FERMT2: variants seen among roughly 807,000 people sequenced by gnomAD.
FERMT2 encodes the protein fermitin family homolog 2.
A neutral mutation model predicts 82.7 loss-of-function variants in FERMT2; 15 were observed. The ratio of observed to expected loss-of-function variants is 0.18; its 90% CI spans 0.12 to 0.28. The LOEUF (loss-of-function observed/expected upper bound fraction) is 0.28. FERMT2 is among the 10% of genes least tolerant of loss of function. FERMT2 has a pLI of 1.00. For missense variants in FERMT2, 645 were observed against 809.4 expected, an observed-to-expected ratio of 0.80 and a Z score of 2.46; for synonymous variants, 274 against 271.5, an observed-to-expected ratio of 1.01 and a Z score of -0.09.
intron 3 of FERMT2, among the ~76,000 whole-genome samples, chr14:52,902,925 A>AC (rs1334384604): frequency 7.7e-6 from 1 of 129,876 alleles, no homozygotes; most frequent in African/African-American, 2.8e-5. Flanking sequence ...TGTGATAGCC[A>AC]CCAAAAAAAA....
chr14:52,903,793 C>G (rs184889896), intron 3 of FERMT2, among the ~76,000 whole-genome samples: 3 of 152,216 alleles, frequency 2.0e-5, no homozygotes, highest in Admixed American at 2.0e-4. Context: ...CAAATCAACA[C>G]TGAGGAAAAC....
chr14:52,879,628 A>G (rs1886174771), intron 6 of FERMT2, among the ~76,000 whole-genome samples: 1 of 152,078 alleles, frequency 6.6e-6, no homozygotes, highest in African/African-American at 2.4e-5. Flanking sequence ...AATTAAAATT[A>G]TTTTCTATAA....
chr14:52,860,099 G>C (rs1407483640), intron 13 of FERMT2: 1 of 400,898 alleles, frequency 2.5e-6, no homozygotes, highest in African/African-American at 2.1e-5. Flanking sequence ...TTACAGGCGT[G>C]AGCCACCGTG....
chr14:52,904,096 C>T (rs547475671), intron 3 of FERMT2, among the ~76,000 whole-genome samples: 2 of 152,214 alleles, frequency 1.3e-5, no homozygotes, highest in African/African-American at 2.4e-5. Context: ...CTTGAGCCCC[C>T]AGGAGTTAGA....
chr14:52,936,795 A>G (rs1889855977), intron 2 of FERMT2, among the ~76,000 whole-genome samples: 1 of 152,190 alleles, frequency 6.6e-6, no homozygotes, highest in South Asian at 2.1e-4. Context: ...CCAGTTGCCC[A>G]GTACAGAATC....
At chr14:52,892,792 T>C (rs1301983171) in intron 4 of FERMT2, among the ~76,000 whole-genome samples, 1 of 151,870 alleles carries the variant, frequency 6.6e-6, no homozygotes, top group African/African-American at 2.4e-5. Context: ...ATTAACCAAA[T>C]AGTGGTGGTT....
intron 3 of FERMT2, among the ~76,000 whole-genome samples, chr14:52,909,199 T>C (rs1185457263): frequency 1.3e-5 from 2 of 152,186 alleles, no homozygotes; most frequent in African/African-American, 4.8e-5. Context: ...CTTACTAAAA[T>C]GCTCATTGGA....
In FERMT2 at chr14:52,860,476, G is replaced by A; in HGVS notation, c.1603-11C>T. On this transcript the variant is annotated splice_polypyrimidine_tract_variant and intron_variant, in intron 12 of 14. Transcript: ENST00000341590. ...GATTCTCGCTGTTATCTAAACATGA[G>A]TAAACATCACCTTTACCATTGAACA... 6.2e-7 allele frequency: 1 copy of A among 1,607,090 alleles called. No homozygotes were observed. Among genetic ancestry groups the A allele is most frequent in the Non-Finnish European group, 8.5e-7 (1 of 1,176,698 alleles).
chr14:52,881,422 T>G lies in FERMT2; in HGVS notation c.574A>C (p.Thr192Pro). 1.2e-6 allele frequency: 2 copies of G among 1,613,842 alleles called. No individual in the cohort carries two copies. The highest frequency in any genetic ancestry group is 1.7e-6 in the Non-Finnish European group (2 of 1,179,948). Residue 192 changes from threonine (T) to proline (P), a missense_variant, in exon 5 of 15, where the codon ACT (threonine) becomes CCT (proline). Coordinates refer to ENST00000341590, the MANE Select transcript of FERMT2 (RefSeq NM_006832.3). Reference sequence around the variant, plus strand: ...GGGCTTCCATCATGAGCATCATAAGTGGGGGTCATTGTTTTACTATACAGT... The same window carrying G: ...GGGCTTCCATCATGAGCATCATAAGGGGGGGTCATTGTTTTACTATACAGT... ...PGLYSKTMTP[T>P]YDAHDGSPLS...
rs1890363871 is a variant in FERMT2, at chr14:52,946,530, G to T, written c.157+3882C>A. 2.6e-5 allele frequency among the ~76,000 whole-genome samples: 4 copies of T among 152,080 alleles called. No homozygotes were observed. In the South Asian group the frequency reaches 6.2e-4, roughly 24 times the overall value. ...CAGCAAGATGTGGTGGTGCGTGCCT[G>T]TAGTTCCAGCTACTCAGGAAGCTAA... On this transcript the variant is annotated intron_variant, in intron 2 of 14. Coordinates refer to ENST00000341590, the MANE Select transcript of FERMT2 (RefSeq NM_006832.3).
Position 52,927,599 on chromosome 14 carries a change from A to T in FERMT2, c.158-8243T>A, listed in dbSNP as rs1378667731. ...AGCAAAACCTCATCCCTATAAAAAAAAAAAAAAAAAAAAAAAAAAAAAAAT... is the reference window on the plus strand; with the variant it reads ...AGCAAAACCTCATCCCTATAAAAAATAAAAAAAAAAAAAAAAAAAAAAAAT... On this transcript the variant is annotated intron_variant, in intron 2 of 14. Transcript: ENST00000341590. Among the ~76,000 whole-genome samples, 46 of 144,442 alleles carry T rather than the reference A, an allele frequency of 3.2e-4. 2 individuals are homozygous for T. The East Asian group carries it at 6.2e-3, about 19-fold the overall frequency. The allele number at this position is 144,442 out of a possible 152,430, so 94.8% of individuals were successfully genotyped here. A position where few individuals can be genotyped will look rare whatever the true frequency, so the allele number is the denominator to read the frequency against.
Position 52,909,920 on chromosome 14 carries a change from G to A in FERMT2, c.391+9203C>T, listed in dbSNP as rs191360279. ...ATACAAAAATTAGCTGGGCGTGGTGGAGCGCACCTGTAGTCCCAGCTACTC... is the reference window on the plus strand; with the variant it reads ...ATACAAAAATTAGCTGGGCGTGGTGAAGCGCACCTGTAGTCCCAGCTACTC... On this transcript the variant is annotated intron_variant, in intron 3 of 14. Coordinates refer to ENST00000341590, the MANE Select transcript of FERMT2 (RefSeq NM_006832.3). Among the ~76,000 whole-genome samples, 996 of 152,184 alleles carry A rather than the reference G, an allele frequency of 6.5e-3. 7 individuals are homozygous for A. Among genetic ancestry groups the A allele is most frequent in the Non-Finnish European group, 0.012 (817 of 68,014 alleles).
chr14:52,862,794 C>T (rs1272350467), intron 12 of FERMT2: 3 of 152,192 alleles, frequency 2.0e-5, no homozygotes, highest in Non-Finnish European at 2.9e-5. Context: ...TCTTTAACCA[C>T]GGACCACACA....
At chr14:52,948,808 C>CT (rs1361868482) in intron 2 of FERMT2, among the ~76,000 whole-genome samples, 2 of 152,068 alleles carry the variant, frequency 1.3e-5, no homozygotes, top group African/African-American at 2.4e-5. Flanking sequence ...TCAACAGCTC[C>CT]TTTTTTTGCA....
At chr14:52,883,212 A>G (rs1338650280) in intron 4 of FERMT2, among the ~76,000 whole-genome samples, 1 of 152,218 alleles carries the variant, frequency 6.6e-6, no homozygotes, top group Non-Finnish European at 1.5e-5. Context: ...TGTTAATCCT[A>G]AAACACAAAG....
chr14:52,901,273 T>C, intron 3 of FERMT2, among the ~76,000 whole-genome samples: 1 of 103,104 alleles, frequency 9.7e-6, no homozygotes, highest in Non-Finnish European at 1.9e-5. Flanking sequence ...AGAGCGAGAC[T>C]CTGTCTCAAA....
In FERMT2 at chr14:52,885,677, C is replaced by T. The variant is rs144320386; in HGVS notation, c.527-4208G>A. Among the ~76,000 whole-genome samples the T allele has an allele frequency of 4.6e-3, 695 of 152,020 alleles. 6 individuals carry two copies. The highest frequency in any genetic ancestry group is 0.015 in the African/African-American group (643 of 41,488). On this transcript the variant is annotated intron_variant, in intron 4 of 14. Coordinates refer to ENST00000341590, the MANE Select transcript of FERMT2 (RefSeq NM_006832.3). ...CCACCTACTGTAGATATTTAAAACC[C>T]GATATAATCAAACAACTCCTAAATA...
intron 2 of FERMT2, among the ~76,000 whole-genome samples, chr14:52,923,374 C>T (rs180933451): frequency 4.2e-4 from 64 of 151,898 alleles, no homozygotes; most frequent in Admixed American, 3.9e-4. Context: ...CCCACAAAGC[C>T]CAAAAGCCCA....
chr14:52,903,917 A>C (rs1887823649), intron 3 of FERMT2, among the ~76,000 whole-genome samples: 1 of 152,232 alleles, frequency 6.6e-6, no homozygotes. Flanking sequence ...GTCTAGGAAG[A>C]AAAAAAGAAA....
Sources: allele counts gnomAD v4.1 joint callset (sites outside exome capture counted in the v4.1 genomes callset), GRCh38; gene constraint gnomAD v4.1.1; transcripts MANE v1.5; gene names NCBI Gene and HGNC (gene_info 2026-07-23, HGNC 2026-07-21).